The following SLC4A10 variants were observed in gnomAD, a reference collection of about 807,000 sequenced individuals.
SLC4A10 encodes the protein sodium-driven chloride bicarbonate exchanger.
A neutral mutation model predicts 137.7 loss-of-function variants in SLC4A10; 42 were observed. That is an observed-to-expected ratio of 0.30 (90% CI 0.24 to 0.39). The LOEUF (loss-of-function observed/expected upper bound fraction) is 0.39. SLC4A10 is among the 10% of genes least tolerant of loss of function. The pLI, the probability that SLC4A10 is intolerant of heterozygous loss-of-function variation, is 1.00. For synonymous variants in SLC4A10, 474 were observed against 464.1 expected (o/e 1.02, Z -0.27); for missense variants, 925 against 1,355.0 (o/e 0.68, Z 4.98).
rs74269117 is a variant in SLC4A10 at position 161,841,382 on chromosome 2, A to G, written c.416+1455A>G. On this transcript the variant is annotated intron_variant, in intron 4 of 26. Transcript: ENST00000446997. Reference sequence around the variant, plus strand: ...TGTGAACCACCATGCCCCTGCTGACACAGGTTTTATTGTTTTGTTAGGCTA... The same window carrying G: ...TGTGAACCACCATGCCCCTGCTGACGCAGGTTTTATTGTTTTGTTAGGCTA... Among the ~76,000 whole-genome samples, 2,154 of 152,186 alleles carry G rather than the reference A, an allele frequency of 0.014. 128 individuals carry two copies. The East Asian group carries it at 0.17, about 12-fold the overall frequency.
chr2:161,957,306 T>C, intron 20 of SLC4A10, 66 bp downstream of exon 20: 2 of 1,517,676 alleles, frequency 1.3e-6, no homozygotes, highest in Non-Finnish European at 1.8e-6. Flanking sequence ...AAATTTTCAT[T>C]TGAATCTGAG....
rs183548888 is a variant in SLC4A10, at chr2:161,933,340, C to A, written c.1998-9452C>A. On this transcript the variant is annotated intron_variant, in intron 15 of 26. Coordinates refer to ENST00000446997, the MANE Select transcript of SLC4A10 (RefSeq NM_001178015.2). The stretch of plus-strand genomic sequence containing the variant: ...TCTCTCTCTTTTCTCTTTTTTCTTT[C>A]TATTCTTTTCTTTCTCTTTCTCTCT... Among the ~76,000 whole-genome samples, 97 of 123,374 alleles carry A rather than the reference C, an allele frequency of 7.9e-4. 1 individual carries two copies. Among genetic ancestry groups the A allele is most frequent in the African/African-American group, 2.7e-3 (90 of 33,644 alleles). The allele number at this position is 123,374 out of a possible 152,430, so 80.9% of individuals were successfully genotyped here. A position where few individuals can be genotyped will look rare whatever the true frequency, so the allele number is the denominator to read the frequency against.
intron 3 of SLC4A10, among the ~76,000 whole-genome samples, chr2:161,827,830 G>A (rs956128502): frequency 6.6e-6 from 1 of 152,160 alleles, no homozygotes; most frequent in Non-Finnish European, 1.5e-5. Flanking sequence ...CTCCCAAAGT[G>A]CTGGGATTAC....
intron 15 of SLC4A10, among the ~76,000 whole-genome samples, chr2:161,920,298 T>G (rs1226230582): frequency 6.6e-6 from 1 of 152,130 alleles, no homozygotes; most frequent in Non-Finnish European, 1.5e-5. Context: ...AGTAATAACT[T>G]GGCTTAAAAG....
At chr2:161,758,642 G>C (rs375923733) in intron 1 of SLC4A10, among the ~76,000 whole-genome samples, 1 of 151,960 alleles carries the variant, frequency 6.6e-6, no homozygotes, top group East Asian at 1.9e-4. Flanking sequence ...TAAGAAGGCT[G>C]AACACTGTGT....
Position 161,807,285 on chromosome 2 carries a change from C to T in SLC4A10, c.277+2690C>T, listed in dbSNP as rs536292404. ...AACCTTTTACTATTGTGAATGCTCT[C>T]TCATTGAAAGCATATTCAGAATACC... On this transcript the variant is annotated intron_variant, in intron 3 of 26. Coordinates refer to ENST00000446997, the MANE Select transcript of SLC4A10 (RefSeq NM_001178015.2). Among the ~76,000 whole-genome samples, 3 of 152,244 alleles carry T rather than the reference C, an allele frequency of 2.0e-5. No homozygotes were observed. The East Asian group carries it at 5.8e-4, about 29-fold the overall frequency.
At chr2:161,646,020 G>GCTTATTTTTAAAAAAAGCTTAT (rs1370806538) in intron 1 of SLC4A10, among the ~76,000 whole-genome samples, 9 of 151,990 alleles carry the variant, frequency 5.9e-5, no homozygotes, top group African/African-American at 1.7e-4. Context: ...TTTTAAAAAA[G>GCTTATTTTTAAAAAAAGCTTAT]TTTGACAGAA....
At chr2:161,877,588 C>T (rs1054107957) in intron 8 of SLC4A10, among the ~76,000 whole-genome samples, 18 of 151,848 alleles carry the variant, frequency 1.2e-4, no homozygotes, top group African/African-American at 3.9e-4. Context: ...CACAATAAAT[C>T]CCATGAAATT....
intron 3 of SLC4A10, among the ~76,000 whole-genome samples, chr2:161,839,522 A>G (rs150293623): frequency 6.6e-6 from 1 of 151,912 alleles, no homozygotes; most frequent in Non-Finnish European, 1.5e-5. Flanking sequence ...AATAATAATC[A>G]TATTTTATTT....
intron 15 of SLC4A10, among the ~76,000 whole-genome samples, chr2:161,917,982 C>T (rs1030083112): frequency 1.3e-5 from 2 of 152,186 alleles, no homozygotes; most frequent in African/African-American, 4.8e-5. Flanking sequence ...CTAAGGTAAA[C>T]CCCAAGACAT....
At chr2:161,757,262 AG>A (rs1421796562) in intron 1 of SLC4A10, among the ~76,000 whole-genome samples, 1 of 152,162 alleles carries the variant, frequency 6.6e-6, no homozygotes, top group Non-Finnish European at 1.5e-5. Flanking sequence ...CTAAAATAAA[AG>A]TTGACATTAA....
chr2:161,661,789 A>G (rs572976428), intron 1 of SLC4A10, among the ~76,000 whole-genome samples: 35 of 152,310 alleles, frequency 2.3e-4, no homozygotes, highest in African/African-American at 7.7e-4. Context: ...TTATTTGTAC[A>G]ATCTTAGTAG....
chr2:161,809,198 G>A (rs115691546), intron 3 of SLC4A10, among the ~76,000 whole-genome samples: 2,246 of 151,936 alleles, frequency 0.015, 26 homozygotes, highest in Non-Finnish European at 0.022. Flanking sequence ...GTGTCTGTTC[G>A]TGTCCTTTGC....
At chr2:161,728,708 T>A (rs1358868132) in intron 1 of SLC4A10, among the ~76,000 whole-genome samples, 1 of 152,184 alleles carries the variant, frequency 6.6e-6, no homozygotes, top group African/African-American at 2.4e-5. Context: ...AATCATTTTA[T>A]GAAGCCAGAA....
chr2:161,961,645 C>T (rs536023575), intron 21 of SLC4A10, among the ~76,000 whole-genome samples: 3 of 149,434 alleles, frequency 2.0e-5, no homozygotes, highest in African/African-American at 7.4e-5. Flanking sequence ...CACATAAATA[C>T]AGCAGCAGAG....
At chr2:161,862,486 CAT>C in intron 5 of SLC4A10, among the ~76,000 whole-genome samples, 1 of 152,192 alleles carries the variant, frequency 6.6e-6, no homozygotes, top group Non-Finnish European at 1.5e-5. Context: ...AATTCAAACA[CAT>C]TATGAATTTT....
At chr2:161,740,714 C>G (rs1188003445) in intron 1 of SLC4A10, among the ~76,000 whole-genome samples, 2 of 152,220 alleles carry the variant, frequency 1.3e-5, no homozygotes, top group African/African-American at 4.8e-5. Context: ...TCTTGGAAAT[C>G]TTACTCATTC....
chr2:161,919,114 C>T (rs894931506), intron 15 of SLC4A10, among the ~76,000 whole-genome samples: 11 of 152,182 alleles, frequency 7.2e-5, no homozygotes, highest in Admixed American at 5.2e-4. Flanking sequence ...GCCAGGTGTG[C>T]ACACACTTGG....
intron 3 of SLC4A10, among the ~76,000 whole-genome samples, chr2:161,822,651 G>A (rs2057718659): frequency 6.6e-6 from 1 of 152,182 alleles, no homozygotes; most frequent in Admixed American, 6.5e-5. Context: ...TGTATATTAT[G>A]TAGTTTTTGT....
Sources: allele counts gnomAD v4.1 joint callset (sites outside exome capture counted in the v4.1 genomes callset), GRCh38; gene constraint gnomAD v4.1.1; transcripts MANE v1.5; gene names NCBI Gene and HGNC (gene_info 2026-07-23, HGNC 2026-07-21).